The following PSMA8 variants were observed in gnomAD, a reference collection of about 807,000 sequenced individuals.
PSMA8 encodes proteasome 20S subunit alpha 8.
PSMA8 carries 18 observed loss-of-function variants against 32.4 expected under a neutral mutation model. The ratio of observed to expected loss-of-function variants is 0.56; its 90% CI spans 0.38 to 0.82. The LOEUF is 0.82. PSMA8 is among the 40% of genes least tolerant of loss of function. PSMA8 has a pLI of 0.00. For synonymous variants in PSMA8, 104 were observed against 98.1 expected, an observed-to-expected ratio of 1.06 and a Z score of -0.36; for missense variants, 298 against 300.7, an observed-to-expected ratio of 0.99 and a Z score of 0.07.
At chr18:26,146,899 G>A (rs1331481796) in intron 2 of PSMA8, among the ~76,000 whole-genome samples, 1 of 152,146 alleles carries the variant, frequency 6.6e-6, no homozygotes, top group African/African-American at 2.4e-5. Context: ...AGGAAGCATA[G>A]CAGCTTCTGC....
chr18:26,134,343 GT>G (rs1568050651), intron 1 of PSMA8, among the ~76,000 whole-genome samples: 43 of 141,628 alleles, frequency 3.0e-4, no homozygotes, highest in Middle Eastern at 3.8e-3. Context: ...GTGTGTGGGT[GT>G]GTGTGTGTGT....
At chr18:26,145,606 T>C (rs2054996420) in intron 2 of PSMA8, among the ~76,000 whole-genome samples, 1 of 152,232 alleles carries the variant, frequency 6.6e-6, no homozygotes, top group African/African-American at 2.4e-5. Flanking sequence ...GTTATATGGA[T>C]AAAGTTATAT....
intron 3 of PSMA8, among the ~76,000 whole-genome samples, chr18:26,154,329 G>A (rs1041041789): frequency 2.0e-5 from 3 of 152,210 alleles, no homozygotes; most frequent in Non-Finnish European, 2.9e-5. Flanking sequence ...GTTAATGCAG[G>A]TTGCAAGGAA....
chr18:26,170,742 A>T, intron 4 of PSMA8: 7 of 1,524,354 alleles, frequency 4.6e-6, no homozygotes, highest in Non-Finnish European at 6.1e-6. Flanking sequence ...CTTCTCATAT[A>T]CTTCAAATTT....
At chr18:26,137,840 A>T (rs2054925030) in intron 1 of PSMA8, among the ~76,000 whole-genome samples, 1 of 152,222 alleles carries the variant, frequency 6.6e-6, no homozygotes, top group Admixed American at 6.5e-5. Context: ...GCACTATAGG[A>T]ACCCCAGGTG....
intron 6 of PSMA8, among the ~76,000 whole-genome samples, chr18:26,180,078 C>T (rs1320730791): frequency 6.6e-6 from 1 of 151,926 alleles, no homozygotes; most frequent in Non-Finnish European, 1.5e-5. Flanking sequence ...TAGTGAAACC[C>T]CGTCTCTACT....
chr18:26,185,640 T>TGG (rs2055347023), intron 6 of PSMA8, among the ~76,000 whole-genome samples: 2 of 150,896 alleles, frequency 1.3e-5, no homozygotes, highest in Admixed American at 6.6e-5. Flanking sequence ...TGATATAGAA[T>TGG]GGATGTTTGG....
chr18:26,183,467 T>G (rs1276892414), intron 6 of PSMA8, among the ~76,000 whole-genome samples: 1 of 150,652 alleles, frequency 6.6e-6, no homozygotes, highest in African/African-American at 2.5e-5. Flanking sequence ...CCAACCCTTA[T>G]GAATGACTTT....
chr18:26,149,329 TC>T lies in PSMA8; in HGVS notation c.230-2526del, dbSNP rs112241264. Among the ~76,000 whole-genome samples the T allele has an allele frequency of 6.8e-3, 1,031 of 152,248 alleles. 11 individuals carry two copies. Among genetic ancestry groups the T allele is most frequent in the African/African-American group, 0.024 (996 of 41,546 alleles). On this transcript the variant is annotated intron_variant, in intron 2 of 6. Coordinates refer to ENST00000415576, the MANE Select transcript of PSMA8 (RefSeq NM_001025096.2). Reference sequence around the variant, plus strand: ...TGAAAAAGACACAAATGGAAAGACATCCCGCATTCATGGATTGGAAGACTCA... The same window carrying T: ...TGAAAAAGACACAAATGGAAAGACATCCGCATTCATGGATTGGAAGACTCA...
At chr18:26,140,634 T>G (rs914934740) in intron 1 of PSMA8, among the ~76,000 whole-genome samples, 16 of 152,228 alleles carry the variant, frequency 1.1e-4, no homozygotes, top group African/African-American at 2.7e-4. Context: ...GATTTTGGCA[T>G]CAGCTTTCAT....
intron 4 of PSMA8, 91 bp from the exon 5 acceptor site, chr18:26,178,739 G>A (rs2055284458): frequency 8.7e-7 from 1 of 1,143,828 alleles, no homozygotes; most frequent in Non-Finnish European, 1.3e-6. Flanking sequence ...AAGGTATACT[G>A]GAGTAAACTC....
chr18:26,152,411 A>G (rs2055053959), intron 3 of PSMA8, among the ~76,000 whole-genome samples: 1 of 152,024 alleles, frequency 6.6e-6, no homozygotes, highest in East Asian at 1.9e-4. Flanking sequence ...TGCAGCCTCG[A>G]CCTTCTGGGC....
Position 26,192,518 on chromosome 18 carries a change from A to G in PSMA8, c.*107A>G. On this transcript the variant is annotated 3_prime_UTR_variant, in exon 7 of 7. Coordinates refer to ENST00000415576, the MANE Select transcript of PSMA8 (RefSeq NM_001025096.2). The stretch of plus-strand genomic sequence containing the variant: ...ACAGTTATTTTGCAGCATTACATGC[A>G]GTACTTGTGTGATGTTTTGAGAATG... 1 of 1,282,986 alleles carries G rather than the reference A, an allele frequency of 7.8e-7. No homozygotes were observed. The highest frequency in any genetic ancestry group is 1.0e-6 in the Non-Finnish European group (1 of 980,170). 79.5% of individuals were successfully genotyped at this position (1,282,986 alleles called of 1,614,324 possible). A position where few individuals can be genotyped will look rare whatever the true frequency, so the allele number is the denominator to read the frequency against.
intron 1 of PSMA8, among the ~76,000 whole-genome samples, chr18:26,137,101 G>A (rs2054917056): frequency 1.3e-5 from 2 of 152,168 alleles, no homozygotes; most frequent in Admixed American, 6.5e-5. Context: ...AATCAGATAT[G>A]TATCACTTAA....
chr18:26,140,727 A>G (rs2054948740), intron 1 of PSMA8, among the ~76,000 whole-genome samples: 1 of 152,246 alleles, frequency 6.6e-6, no homozygotes, highest in Non-Finnish European at 1.5e-5. Flanking sequence ...ATTTTACTAA[A>G]GAGTTAGGAA....
chr18:26,189,299 G>A (rs542833080), intron 6 of PSMA8, among the ~76,000 whole-genome samples: 21 of 152,190 alleles, frequency 1.4e-4, no homozygotes, highest in African/African-American at 4.8e-4. Flanking sequence ...AGGCCAAGGC[G>A]GGAGGATCAC....
chr18:26,144,253 A>G (rs1235959516), intron 1 of PSMA8, among the ~76,000 whole-genome samples: 4 of 152,190 alleles, frequency 2.6e-5, no homozygotes, highest in Non-Finnish European at 4.4e-5. Flanking sequence ...TGTCAATGAC[A>G]TTGAGAACTT....
intron 6 of PSMA8, among the ~76,000 whole-genome samples, chr18:26,181,923 G>GAA (rs1292805950): frequency 1.5e-4 from 17 of 113,960 alleles, no homozygotes; most frequent in East Asian, 2.7e-4. Context: ...GACGCCATCT[G>GAA]AAAAAAAAAA....
intron 3 of PSMA8, among the ~76,000 whole-genome samples, chr18:26,152,445 C>A (rs906833500): frequency 2.6e-5 from 4 of 152,106 alleles, no homozygotes; most frequent in Non-Finnish European, 4.4e-5. Flanking sequence ...CCACCTCAGC[C>A]TCCTGAGTAG....
Sources: gnomAD v4.1 joint callset for allele counts (sites outside exome capture counted in the v4.1 genomes callset) on GRCh38, gnomAD v4.1.1 for gene constraint, MANE v1.5 for transcripts, NCBI Gene and HGNC (gene_info 2026-07-23, HGNC 2026-07-21) for gene names.